TRIM42: variants seen among roughly 807,000 people sequenced by gnomAD.
TRIM42 encodes tripartite motif containing 42.
Under a neutral mutation model 64.9 loss-of-function variants are expected in TRIM42, and 59 were observed. The observed-to-expected ratio is 0.91, with a 90% CI of 0.74 to 1.13. The LOEUF is 1.13. TRIM42 is among the 50% of genes most tolerant of loss of function. TRIM42 has a pLI of 0.00. For missense variants in TRIM42, 878 were observed against 929.5 expected (o/e 0.94, Z 0.72); for synonymous variants, 354 against 346.3 (o/e 1.02, Z -0.25).
intron 2 of TRIM42, among the ~76,000 whole-genome samples, 162 bp downstream of exon 2, chr3:140,683,321 T>C (rs1988464739): frequency 6.6e-6 from 1 of 152,154 alleles, no homozygotes; most frequent in Non-Finnish European, 1.5e-5. Flanking sequence ...ACTATCCTGG[T>C]GTCCGCTCCT....
At chr3:140,690,488 TAAAAG>T (rs1254654108) in intron 3 of TRIM42, among the ~76,000 whole-genome samples, 1 of 135,512 alleles carries the variant, frequency 7.4e-6, no homozygotes, top group Non-Finnish European at 1.5e-5. Context: ...ACAACATAAG[TAAAAG>T]AAAATAGAAA....
At chr3:140,694,914 T>G (rs557564709) in intron 4 of TRIM42, among the ~76,000 whole-genome samples, 1 of 152,244 alleles carries the variant, frequency 6.6e-6, no homozygotes, top group African/African-American at 2.4e-5. Context: ...GTGACTGCTT[T>G]GAGCCCACCT....
intron 4 of TRIM42, among the ~76,000 whole-genome samples, chr3:140,694,964 G>A (rs561378321): frequency 1.3e-5 from 2 of 152,292 alleles, no homozygotes; most frequent in African/African-American, 2.4e-5. Context: ...GACCAGCTGG[G>A]CCAGGTGCAG....
intron 4 of TRIM42, among the ~76,000 whole-genome samples, chr3:140,696,322 G>C (rs769757179): frequency 2.0e-5 from 3 of 151,970 alleles, no homozygotes; most frequent in Non-Finnish European, 4.4e-5. Flanking sequence ...CTTAAATGCT[G>C]TGTTTTTATG....
chr3:140,679,727 T>C (rs561071347), intron 1 of TRIM42, among the ~76,000 whole-genome samples: 67 of 152,222 alleles, frequency 4.4e-4, no homozygotes, highest in Non-Finnish European at 8.4e-4. Context: ...GTTGTTCAGT[T>C]GTGCAACAGC....
chr3:140,699,090 C>G (rs1988929744), intron 4 of TRIM42, among the ~76,000 whole-genome samples: 1 of 152,082 alleles, frequency 6.6e-6, no homozygotes, highest in Admixed American at 6.5e-5. Flanking sequence ...GAGGTAATTA[C>G]ATGATTTTTC....
intron 3 of TRIM42, among the ~76,000 whole-genome samples, chr3:140,690,557 A>G (rs1425989083): frequency 2.2e-4 from 11 of 49,618 alleles, no homozygotes; most frequent in Non-Finnish European, 4.0e-4. Context: ...ATATATATAT[A>G]TATATATATA....
chr3:140,689,458 A>C (rs1419223575), intron 3 of TRIM42, among the ~76,000 whole-genome samples: 3 of 152,078 alleles, frequency 2.0e-5, no homozygotes, highest in African/African-American at 7.2e-5. Context: ...GCACCTGGGG[A>C]TCTTGTTAAA....
At chr3:140,681,556 T>C (rs904056773) in intron 1 of TRIM42, among the ~76,000 whole-genome samples, 6 of 152,126 alleles carry the variant, frequency 3.9e-5, no homozygotes, top group African/African-American at 1.4e-4. Flanking sequence ...ATTGCTCTGG[T>C]TGGCAGATCA....
At chr3:140,696,369 T>A (rs979868701) in intron 4 of TRIM42, among the ~76,000 whole-genome samples, 1 of 152,220 alleles carries the variant, frequency 6.6e-6, no homozygotes, top group African/African-American at 2.4e-5. Context: ...TGTCTTTTAC[T>A]CCTGATAACA....
intron 3 of TRIM42, 77 bp downstream of exon 3, chr3:140,688,619 T>G: frequency 8.5e-7 from 1 of 1,178,634 alleles, no homozygotes; most frequent in East Asian, 2.4e-5. Context: ...CAGGAAAGGT[T>G]GCACTTACCT....
Position 140,682,616 on chromosome 3 carries a change from T to C in TRIM42, c.496T>C (p.Cys166Arg). The change falls in exon 2 of 5, where the codon TGC becomes CGC. Residue 166 changes from cysteine (C) to arginine (R), a missense_variant. Coordinates refer to ENST00000286349, the MANE Select transcript of TRIM42 (RefSeq NM_152616.5). ...SFMLPCNHSL[C>R]EKCLRQLQKH... ...CATGCTGCCCTGCAACCACAGCCTGTGCGAGAAGTGCCTGCGGCAGCTGCA... is the reference window on the plus strand; with the variant it reads ...CATGCTGCCCTGCAACCACAGCCTGCGCGAGAAGTGCCTGCGGCAGCTGCA... 1.2e-6 allele frequency: 2 copies of C among 1,614,150 alleles called. No individual in the cohort carries two copies. The highest frequency in any genetic ancestry group is 1.7e-6 in the Non-Finnish European group (2 of 1,180,016).
Position 140,687,313 on chromosome 3 carries a change from C to T in TRIM42, c.1040-409C>T, listed in dbSNP as rs186306684. On this transcript the variant is annotated intron_variant, in intron 2 of 4. Coordinates refer to ENST00000286349, the MANE Select transcript of TRIM42 (RefSeq NM_152616.5). ...GTAGTCGGCAGAAACTTAGTTCTTC[C>T]TCTTACCACTGCAAAAGCTTAGGTT... 8.5e-4 allele frequency among the ~76,000 whole-genome samples: 130 copies of T among 152,308 alleles called. 1 individual carries two copies. Among genetic ancestry groups the T allele is most frequent in the African/African-American group, 3.1e-3 (127 of 41,562 alleles).
chr3:140,696,834 C>T (rs986665361), intron 4 of TRIM42, among the ~76,000 whole-genome samples: 2 of 152,138 alleles, frequency 1.3e-5, no homozygotes, highest in African/African-American at 4.8e-5. Flanking sequence ...TCTTCAAAGG[C>T]CCTATCTCCA....
rs148969034 is a variant in TRIM42 at position 140,681,424 on chromosome 3, T to A, written c.342-1038T>A. 6.0e-3 allele frequency among the ~76,000 whole-genome samples: 917 copies of A among 152,268 alleles called. 17 individuals carry two copies. Among genetic ancestry groups the A allele is most frequent in the South Asian group, 7.9e-3 (38 of 4,820 alleles). On this transcript the variant is annotated intron_variant, in intron 1 of 4. Coordinates refer to ENST00000286349, the MANE Select transcript of TRIM42 (RefSeq NM_152616.5). ...AAGTAGTACTGTGAGCTTTGACTTA[T>A]AGTTGAGAAAACTGAACATGAGAGA...
chr3:140,678,240 C>T lies in TRIM42; in HGVS notation c.11C>T (p.Ala4Val). MET[A>V]MCVCCPCCTW... ...AATCATGTAGGCACCATGGAAACTG[C>T]TATGTGCGTTTGCTGTCCATGTTGT... The change falls in exon 1 of 5, where the codon GCT (alanine) becomes GTT (valine). Residue 4 changes from alanine (A) to valine (V), a missense_variant. Ala to Val is a moderately conservative substitution (Grantham distance 64, BLOSUM62 0). Coordinates refer to ENST00000286349, the MANE Select transcript of TRIM42 (RefSeq NM_152616.5). 6.2e-7 allele frequency: 1 copy of T among 1,613,710 alleles called. No homozygotes were observed. The highest frequency in any genetic ancestry group is 1.3e-5 in the African/African-American group (1 of 75,050).
intron 4 of TRIM42, among the ~76,000 whole-genome samples, chr3:140,700,491 T>G (rs1056001435): frequency 1.4e-4 from 22 of 151,856 alleles, no homozygotes; most frequent in African/African-American, 5.3e-4. Context: ...GGTAAGAAAG[T>G]CAAATGCATT....
chr3:140,682,672 C>T lies in TRIM42; in HGVS notation c.552C>T (p.Phe184=). 6.2e-7 allele frequency: 1 copy of T among 1,613,262 alleles called. No homozygotes were observed. Among genetic ancestry groups the T allele is most frequent in the Non-Finnish European group, 8.5e-7 (1 of 1,180,030 alleles). Residue 184 remains phenylalanine, a synonymous_variant, in exon 2 of 5, where the codon TTC becomes TTT. Transcript: ENST00000286349. ...QKHAEVTENF[F]ILICPVCDRS... ...ACGCCGAGGTCACCGAGAACTTCTT[C>T]ATCCTCATCTGCCCAGTGTGCGACC...
chr3:140,685,354 C>T (rs1461325483), intron 2 of TRIM42, among the ~76,000 whole-genome samples: 1 of 152,176 alleles, frequency 6.6e-6, no homozygotes, highest in African/African-American at 2.4e-5. Flanking sequence ...TAAAAAACTC[C>T]TCATGTGATT....
Sources: gnomAD v4.1 joint callset for allele counts (sites outside exome capture counted in the v4.1 genomes callset) on GRCh38, gnomAD v4.1.1 for gene constraint, MANE v1.5 for transcripts, NCBI Gene and HGNC (gene_info 2026-07-23, HGNC 2026-07-21) for gene names.